PCDH9: variants seen among roughly 807,000 people sequenced by gnomAD.
PCDH9 encodes the protein protocadherin-9.
In PCDH9, 24 loss-of-function variants were observed where a neutral mutation model predicts 70.6. The ratio of observed to expected loss-of-function variants is 0.34; its 90% CI spans 0.25 to 0.48. The LOEUF is 0.48. Among genes scored for constraint, PCDH9 ranks in the 20% least tolerant of loss-of-function variants. PCDH9 has a pLI of 0.99. For synonymous variants in PCDH9, 562 were observed against 558.5 expected (o/e 1.01, Z -0.09); for missense variants, 1,281 against 1,503.6 (o/e 0.85, Z 2.45).
At chr13:66,607,846 T>C (rs2077240571) in intron 4 of PCDH9, among the ~76,000 whole-genome samples, 1 of 152,114 alleles carries the variant, frequency 6.6e-6, no homozygotes, top group South Asian at 2.1e-4. Context: ...TGTTTCATAA[T>C]TTATCTAATT....
intron 3 of PCDH9, among the ~76,000 whole-genome samples, chr13:66,681,948 A>AATATATATATAT (rs1356082864): frequency 2.4e-5 from 1 of 42,268 alleles, no homozygotes; most frequent in African/African-American, 1.4e-4. Context: ...AGTATATACA[A>AATATATATATAT]ACATATATAT....
intron 4 of PCDH9, among the ~76,000 whole-genome samples, chr13:66,608,362 T>A (rs951759237): frequency 6.6e-6 from 1 of 152,166 alleles, no homozygotes; most frequent in African/African-American, 2.4e-5. Context: ...TTATACTGAT[T>A]TTTTAAAAAT....
intron 4 of PCDH9, among the ~76,000 whole-genome samples, chr13:66,419,680 G>A (rs1957527756): frequency 6.6e-6 from 1 of 152,022 alleles, no homozygotes; most frequent in Non-Finnish European, 1.5e-5. Context: ...ATTCCCTCCG[G>A]TGCCTACATC....
At chr13:66,338,293 T>C (rs962568665) in intron 4 of PCDH9, among the ~76,000 whole-genome samples, 3 of 152,060 alleles carry the variant, frequency 2.0e-5, no homozygotes, top group African/African-American at 7.2e-5. Context: ...CAATCCTTCC[T>C]GAATCATGTG....
chr13:66,460,804 C>T (rs987330696), intron 4 of PCDH9, among the ~76,000 whole-genome samples: 5 of 151,844 alleles, frequency 3.3e-5, no homozygotes, highest in Non-Finnish European at 5.9e-5. Context: ...CTAAACTACT[C>T]CAGCATGTAA....
At chr13:66,694,837 C>T (rs1483964181) in intron 3 of PCDH9, among the ~76,000 whole-genome samples, 2 of 151,610 alleles carry the variant, frequency 1.3e-5, no homozygotes, top group Non-Finnish European at 2.9e-5. Flanking sequence ...ATTTCAGGTC[C>T]TCAACAAGTA....
intron 3 of PCDH9, among the ~76,000 whole-genome samples, chr13:66,695,256 G>C (rs1187874373): frequency 2.0e-5 from 3 of 152,184 alleles, no homozygotes; most frequent in Non-Finnish European, 4.4e-5. Context: ...AAATATGGGA[G>C]TCAAAATATG....
intron 2 of PCDH9, among the ~76,000 whole-genome samples, chr13:67,015,848 T>C (rs1022903958): frequency 7.2e-5 from 11 of 152,214 alleles, no homozygotes; most frequent in African/African-American, 2.4e-4. Context: ...TCAGTAGTTA[T>C]AGCTCTCAGC....
At chr13:66,828,122 G>GA (rs1459389037) in intron 3 of PCDH9, among the ~76,000 whole-genome samples, 3 of 151,936 alleles carry the variant, frequency 2.0e-5, no homozygotes, top group Non-Finnish European at 2.9e-5. Flanking sequence ...CAAAATAAAA[G>GA]AAAAACACAG....
chr13:66,740,273 A>T (rs1348266791), intron 3 of PCDH9, among the ~76,000 whole-genome samples: 4 of 127,130 alleles, frequency 3.1e-5, no homozygotes, highest in South Asian at 3.2e-4. Context: ...GCAGAAATAA[A>T]GATGTTCTTT....
At chr13:66,772,512 G>C (rs957560321) in intron 3 of PCDH9, among the ~76,000 whole-genome samples, 1 of 152,034 alleles carries the variant, frequency 6.6e-6, no homozygotes, top group Non-Finnish European at 1.5e-5. Context: ...TTATTGAAGG[G>C]TTTGCTGGAA....
At chr13:66,815,358 G>A (rs185490563) in intron 3 of PCDH9, among the ~76,000 whole-genome samples, 37 of 152,256 alleles carry the variant, frequency 2.4e-4, no homozygotes, top group African/African-American at 8.2e-4. Context: ...GTGGAAAGCA[G>A]TTCAGCAATT....
chr13:66,466,047 C>G (rs1958508164), intron 4 of PCDH9, among the ~76,000 whole-genome samples: 1 of 151,940 alleles, frequency 6.6e-6, no homozygotes, highest in Non-Finnish European at 1.5e-5. Context: ...AAACCTGGTT[C>G]TGAAATTACT....
At chr13:67,040,332 C>T (rs1451590724) in intron 2 of PCDH9, among the ~76,000 whole-genome samples, 1 of 152,096 alleles carries the variant, frequency 6.6e-6, no homozygotes, top group Non-Finnish European at 1.5e-5. Flanking sequence ...CCTGAAACTG[C>T]TCGTGGTGGT....
intron 2 of PCDH9, among the ~76,000 whole-genome samples, chr13:67,177,850 T>C (rs1282415742): frequency 2.6e-5 from 4 of 152,050 alleles, no homozygotes; most frequent in Non-Finnish European, 5.9e-5. Flanking sequence ...CCAGTGCATA[T>C]AATAATTGCT....
intron 2 of PCDH9, among the ~76,000 whole-genome samples, chr13:66,986,676 T>C (rs2083897715): frequency 6.6e-6 from 1 of 151,982 alleles, no homozygotes; most frequent in Non-Finnish European, 1.5e-5. Context: ...TCAATAATGA[T>C]TTTCCAACAG....
At chr13:67,032,322 T>G (rs1199908844) in intron 2 of PCDH9, among the ~76,000 whole-genome samples, 4 of 149,702 alleles carry the variant, frequency 2.7e-5, no homozygotes, top group African/African-American at 1.0e-4. Context: ...TATATTTTTC[T>G]GCCTTTTTTT....
At chr13:66,310,142 A>G (rs1290470855) in intron 4 of PCDH9, among the ~76,000 whole-genome samples, 1 of 151,964 alleles carries the variant, frequency 6.6e-6, no homozygotes, top group African/African-American at 2.4e-5. Context: ...ATAAAATCAC[A>G]AGTGCAAATA....
intron 3 of PCDH9, among the ~76,000 whole-genome samples, chr13:66,772,567 TA>T (rs1443881324): frequency 2.0e-5 from 3 of 152,176 alleles, no homozygotes; most frequent in Admixed American, 6.5e-5. Context: ...TTTGTATTTT[TA>T]TTTTCTATAT....
Sources: allele counts gnomAD v4.1 joint callset (sites outside exome capture counted in the v4.1 genomes callset), GRCh38; gene constraint gnomAD v4.1.1; transcripts MANE v1.5; gene names NCBI Gene and HGNC (gene_info 2026-07-23, HGNC 2026-07-21).